FOXP2: variants seen among roughly 807,000 people sequenced by gnomAD.
FOXP2 encodes forkhead box protein P2.
FOXP2 carries 12 observed loss-of-function variants against 115.8 expected under a neutral mutation model. That is an observed-to-expected ratio of 0.10 (90% CI 0.07 to 0.17). The LOEUF (loss-of-function observed/expected upper bound fraction) is 0.17, where lower values mean the gene tolerates loss of function less well. FOXP2 is among the 10% of genes least tolerant of loss of function. The pLI, the probability that FOXP2 is intolerant of heterozygous loss-of-function variation, is 1.00. For synonymous variants in FOXP2, 328 were observed against 297.7 expected (o/e 1.10, Z -1.05); for missense variants, 629 against 843.5 (o/e 0.75, Z 3.15).
chr7:114,556,526 G>A (rs1800462936), intron 3 of FOXP2, among the ~76,000 whole-genome samples: 1 of 152,072 alleles, frequency 6.6e-6, no homozygotes, highest in Non-Finnish European at 1.5e-5. Flanking sequence ...TGTGAATTTG[G>A]AAAAAAATTA....
chr7:114,513,763 TA>T (rs1798189542), intron 2 of FOXP2, among the ~76,000 whole-genome samples: 2 of 152,238 alleles, frequency 1.3e-5, no homozygotes, highest in Non-Finnish European at 2.9e-5. Context: ...AAATTTCAGC[TA>T]AAAAGTCCTA....
In FOXP2 at chr7:114,580,050, G is replaced by A. The variant is rs1048144641; in HGVS notation, c.258+45344G>A. ...ATTGTATAGGCTAATGCCAGAATTTGAAGTTTTAAGTGCCTTTTTAAAAGG... is the reference window on the plus strand; with the variant it reads ...ATTGTATAGGCTAATGCCAGAATTTAAAGTTTTAAGTGCCTTTTTAAAAGG... On this transcript the variant is annotated intron_variant, in intron 3 of 16. Coordinates refer to ENST00000350908, the MANE Select transcript of FOXP2 (RefSeq NM_014491.4). 3.3e-5 allele frequency among the ~76,000 whole-genome samples: 5 copies of A among 152,174 alleles called. No homozygotes were observed. In the South Asian group the frequency reaches 1.0e-3, roughly 32 times the overall value.
chr7:114,260,562 C>T (rs1795723278), intron 1 of FOXP2, among the ~76,000 whole-genome samples: 1 of 151,706 alleles, frequency 6.6e-6, no homozygotes, highest in African/African-American at 2.4e-5. Context: ...GACTGTTGGC[C>T]TGACCTAAAT....
At chr7:114,413,658 T>C (rs1793227932), upstream of FOXP2, among the ~76,000 whole-genome samples, 1 of 152,062 alleles carries the variant, frequency 6.6e-6, no homozygotes, top group Admixed American at 6.6e-5. Flanking sequence ...AAATGTGAAA[T>C]TTGCTGTAAT....
Position 114,689,865 on chromosome 7 carries a change from G to A in FOXP2, c.2087G>A (p.Ser696Asn). The A allele has an allele frequency of 6.2e-7, 1 of 1,613,562 alleles. No homozygotes were observed. The change falls in exon 17 of 17, where the codon AGT becomes AAT. Residue 696 changes from serine (S) to asparagine (N), a missense_variant. Ser to Asn is a conservative substitution (Grantham distance 46, BLOSUM62 1). Around this residue, in one of 9 missense-constraint regions of FOXP2, gnomAD observed 117 missense variants for 112.3 expected, o/e 1.04. Transcript: ENST00000350908. Reference sequence around the variant, plus strand: ...TCCTTAGTGACAACAGCTAATCACAGTCCAGAATTAGAAGACGACAGAGAG... The same window carrying A: ...TCCTTAGTGACAACAGCTAATCACAATCCAGAATTAGAAGACGACAGAGAG... ...PMSLVTTANH[S>N]PELEDDREIE...
intron 2 of FOXP2, among the ~76,000 whole-genome samples, chr7:114,289,785 C>T (rs1300683313): frequency 6.6e-6 from 1 of 151,862 alleles, no homozygotes; most frequent in African/African-American, 2.4e-5. Context: ...TAAACAAACA[C>T]TAACCACATA....
chr7:114,369,418 C>T (rs1217335317), intron 2 of FOXP2, among the ~76,000 whole-genome samples: 4 of 152,080 alleles, frequency 2.6e-5, no homozygotes, highest in African/African-American at 9.7e-5. Flanking sequence ...GAGTTCTGTT[C>T]AATCTACTTG....
At chr7:114,171,428 C>G (rs557188986) in intron 1 of FOXP2, among the ~76,000 whole-genome samples, 17 of 152,172 alleles carry the variant, frequency 1.1e-4, no homozygotes, top group African/African-American at 3.9e-4. Flanking sequence ...AAAAAATTAG[C>G]TGGGCATGGT....
intron 1 of FOXP2, among the ~76,000 whole-genome samples, chr7:114,426,301 T>C (rs1304099923): frequency 2.0e-5 from 3 of 151,690 alleles, no homozygotes; most frequent in East Asian, 1.9e-4. Flanking sequence ...CAAAAATTGC[T>C]TATAGAAACC....
chr7:114,509,266 TTTTG>T (rs935746995), intron 2 of FOXP2, among the ~76,000 whole-genome samples: 2 of 151,462 alleles, frequency 1.3e-5, no homozygotes, highest in Non-Finnish European at 2.9e-5. Context: ...TTAATGGTTT[TTTTG>T]TTTGTTTGTT....
chr7:114,539,250 A>T (rs1045669186), intron 3 of FOXP2, among the ~76,000 whole-genome samples: 2 of 151,916 alleles, frequency 1.3e-5, no homozygotes, highest in Non-Finnish European at 2.9e-5. Context: ...TGGGATATAG[A>T]ATCACTCATT....
intron 16 of FOXP2, chr7:114,667,011 A>G (rs1341413116): frequency 6.6e-6 from 1 of 152,126 alleles, no homozygotes; most frequent in African/African-American, 2.4e-5. Context: ...CAATATGAAA[A>G]TATTTTTGTA....
intron 2 of FOXP2, among the ~76,000 whole-genome samples, chr7:114,491,958 A>G (rs1238814995): frequency 2.0e-5 from 3 of 151,936 alleles, no homozygotes; most frequent in Admixed American, 6.6e-5. Flanking sequence ...CTCTTTTTCT[A>G]TTGATTGGAA....
intron 2 of FOXP2, among the ~76,000 whole-genome samples, chr7:114,532,034 T>A (rs1799166328): frequency 6.6e-6 from 1 of 151,988 alleles, no homozygotes; most frequent in Admixed American, 6.6e-5. Flanking sequence ...TGCTACTGCT[T>A]TGTGACTTCA....
chr7:114,351,429 C>A (rs948681132), intron 2 of FOXP2, among the ~76,000 whole-genome samples: 2 of 151,994 alleles, frequency 1.3e-5, no homozygotes, highest in Non-Finnish European at 2.9e-5. Context: ...ATATAATATT[C>A]TTTGAATGTG....
At chr7:114,240,693 A>G (rs919935938) in intron 1 of FOXP2, among the ~76,000 whole-genome samples, 3 of 151,668 alleles carry the variant, frequency 2.0e-5, no homozygotes, top group African/African-American at 7.3e-5. Context: ...TCTTGAAAAT[A>G]TTTTCAAAAA....
intron 2 of FOXP2, among the ~76,000 whole-genome samples, chr7:114,427,575 T>A (rs1793915641): frequency 6.6e-6 from 1 of 151,596 alleles, no homozygotes; most frequent in South Asian, 2.1e-4. Context: ...ATTATTTCTT[T>A]GTAACTCTGA....
chr7:114,114,892 G>A (rs1042604746), intron 1 of FOXP2, among the ~76,000 whole-genome samples: 3 of 152,120 alleles, frequency 2.0e-5, no homozygotes, highest in Non-Finnish European at 4.4e-5. Flanking sequence ...TGAAATCATG[G>A]AAGAAGAACT....
intron 1 of FOXP2, among the ~76,000 whole-genome samples, chr7:114,156,310 C>T (rs964128753): frequency 1.3e-5 from 2 of 152,026 alleles, no homozygotes; most frequent in Admixed American, 6.6e-5. Context: ...GGGAGAAGAG[C>T]TCTCTCCTGC....
Sources: allele counts gnomAD v4.1 joint callset (sites outside exome capture counted in the v4.1 genomes callset), GRCh38; gene constraint gnomAD v4.1.1; regional missense constraint gnomAD v4.1.1; transcripts MANE v1.5; gene names NCBI Gene and HGNC (gene_info 2026-07-23, HGNC 2026-07-21).